The following C12orf42 variants were observed in gnomAD, a reference collection of about 807,000 sequenced individuals.
C12orf42 encodes the protein uncharacterized protein C12orf42.
In C12orf42, 25 loss-of-function variants were observed where a neutral mutation model predicts 21.6. That is an observed-to-expected ratio of 1.16 (90% CI 0.84 to 1.62). C12orf42 has a LOEUF of 1.62. C12orf42 is among the 40% of genes most tolerant of loss of function. C12orf42 has a pLI of 0.00. For synonymous variants in C12orf42, 174 were observed against 175.0 expected (o/e 0.99, Z 0.05); for missense variants, 483 against 459.3 (o/e 1.05, Z -0.47).
intron 4 of C12orf42, among the ~76,000 whole-genome samples, chr12:103,316,885 CCCTACTCCATGTCG>C (rs1248718756): frequency 2.0e-5 from 3 of 152,126 alleles, no homozygotes; most frequent in Non-Finnish European, 4.4e-5. Context: ...TACAGTGTCA[CCCTACTCCATGTCG>C]CCATATCACC....
the C12orf42 span, chr12:103,178,375 T>C: frequency 6.6e-6 from 1 of 152,218 alleles, no homozygotes; most frequent in African/African-American, 2.4e-5. Context: ...ATAAGCTGCC[T>C]CGTTAGTGAA....
At chr12:103,486,902 A>C (rs556563546) in intron 1 of C12orf42, among the ~76,000 whole-genome samples, 4 of 152,268 alleles carry the variant, frequency 2.6e-5, no homozygotes, top group South Asian at 4.1e-4. Context: ...CTTTTCAAAA[A>C]ACCAGCTCCT....
the C12orf42 span, among the ~76,000 whole-genome samples, chr12:103,532,203 A>C: frequency 6.6e-6 from 1 of 152,092 alleles, no homozygotes; most frequent in Non-Finnish European, 1.5e-5. Flanking sequence ...TTCTCCCTAC[A>C]CCCTGGGTAT....
At chr12:103,198,064 AG>A in the C12orf42 span, among the ~76,000 whole-genome samples, 1 of 152,206 alleles carries the variant, frequency 6.6e-6, no homozygotes, top group African/African-American at 2.4e-5. Flanking sequence ...CCAGCAGTAG[AG>A]TAGCAGCACC....
At chr12:103,139,886 A>C in the C12orf42 span, among the ~76,000 whole-genome samples, 1 of 152,216 alleles carries the variant, frequency 6.6e-6, no homozygotes, top group Non-Finnish European at 1.5e-5. Context: ...TACTGTGAAA[A>C]ATAGCTATTT....
intron 2 of C12orf42, among the ~76,000 whole-genome samples, chr12:103,425,697 C>A (rs1446213656): frequency 1.3e-5 from 2 of 150,674 alleles, no homozygotes; most frequent in African/African-American, 2.5e-5. Flanking sequence ...GTGAGCTACG[C>A]CCACAGCCGC....
the C12orf42 span, among the ~76,000 whole-genome samples, chr12:103,162,435 G>A: frequency 6.6e-6 from 1 of 152,124 alleles, no homozygotes; most frequent in African/African-American, 2.4e-5. Context: ...TAGCCATAGT[G>A]AAATGGCCCT....
chr12:103,439,299 A>T (rs1951006345), intron 2 of C12orf42, among the ~76,000 whole-genome samples: 1 of 152,172 alleles, frequency 6.6e-6, no homozygotes, highest in Non-Finnish European at 1.5e-5. Context: ...TAAAACCATA[A>T]AACCCTAGAA....
chr12:103,480,534 G>C (rs1223934387), intron 1 of C12orf42, among the ~76,000 whole-genome samples: 1 of 151,238 alleles, frequency 6.6e-6, no homozygotes, highest in Non-Finnish European at 1.5e-5. Flanking sequence ...TTAATTCACT[G>C]TTTAGTCTTC....
chr12:103,310,375 C>A (rs562832575), intron 4 of C12orf42, among the ~76,000 whole-genome samples: 22 of 152,288 alleles, frequency 1.4e-4, no homozygotes, highest in African/African-American at 5.1e-4. Flanking sequence ...ATGACCCAGT[C>A]TCAGGTATTT....
chr12:103,288,318 C>T (rs943318178), intron 4 of C12orf42, among the ~76,000 whole-genome samples: 1 of 152,052 alleles, frequency 6.6e-6, no homozygotes, highest in Non-Finnish European at 1.5e-5. Flanking sequence ...TTTTTCATAA[C>T]GAGAATTCAG....
chr12:103,434,620 G>A (rs370667770), intron 2 of C12orf42, among the ~76,000 whole-genome samples: 20 of 151,992 alleles, frequency 1.3e-4, no homozygotes, highest in Non-Finnish European at 2.6e-4. Context: ...TTCCCTTTCC[G>A]AGTCAAAGAA....
At chr12:103,252,346 C>A (rs1185967817) in intron 10 of C12orf42, among the ~76,000 whole-genome samples, 1 of 152,166 alleles carries the variant, frequency 6.6e-6, no homozygotes, top group Non-Finnish European at 1.5e-5. Context: ...ACTTCTGGTT[C>A]TATATCCTTG....
At chr12:103,410,329 T>G (rs896231048) in intron 2 of C12orf42, among the ~76,000 whole-genome samples, 2 of 152,200 alleles carry the variant, frequency 1.3e-5, no homozygotes, top group Non-Finnish European at 2.9e-5. Flanking sequence ...TTTAGGATCT[T>G]CAGTAATCCA....
the C12orf42 span, among the ~76,000 whole-genome samples, chr12:103,543,079 A>G: frequency 8.5e-5 from 13 of 152,204 alleles, no homozygotes; most frequent in Admixed American, 2.6e-4. Flanking sequence ...GGTTGTAAAA[A>G]CAACCAGGCT....
intron 2 of C12orf42, among the ~76,000 whole-genome samples, chr12:103,412,092 A>G (rs1708200293): frequency 1.3e-5 from 2 of 152,222 alleles, no homozygotes; most frequent in South Asian, 4.1e-4. Flanking sequence ...CAAGGCGGCA[A>G]AACACCATCT....
At chr12:103,532,883 C>T in the C12orf42 span, among the ~76,000 whole-genome samples, 1 of 152,184 alleles carries the variant, frequency 6.6e-6, no homozygotes, top group Non-Finnish European at 1.5e-5. Flanking sequence ...GTCGAGTCTT[C>T]AAAGAGGTCA....
chr12:103,342,744 A>G (rs2042270845), intron 4 of C12orf42, among the ~76,000 whole-genome samples: 1 of 149,136 alleles, frequency 6.7e-6, no homozygotes, highest in African/African-American at 2.5e-5. Context: ...ATGCAAGGAC[A>G]GCTGAACTGC....
intron 4 of C12orf42, among the ~76,000 whole-genome samples, chr12:103,295,323 A>C (rs1245491991): frequency 6.6e-6 from 1 of 152,152 alleles, no homozygotes; most frequent in Non-Finnish European, 1.5e-5. Context: ...CATTTGGAGG[A>C]TACCACATGG....
Sources: gnomAD v4.1 joint callset for allele counts (sites outside exome capture counted in the v4.1 genomes callset) on GRCh38, gnomAD v4.1.1 for gene constraint, MANE v1.5 for transcripts, NCBI Gene and HGNC (gene_info 2026-07-23, HGNC 2026-07-21) for gene names.